Variants in GLMN observed in about 807,000 individuals in gnomAD.
GLMN encodes the protein glomulin.
A neutral mutation model predicts 87.8 loss-of-function variants in GLMN; 75 were observed. The observed-to-expected ratio is 0.85, with a 90% confidence interval of 0.71 to 1.04. The LOEUF (loss-of-function observed/expected upper bound fraction) is 1.04, where lower values mean the gene tolerates loss of function less well. GLMN is among the 50% of genes least tolerant of loss of function. The pLI is 0.00. For missense variants in GLMN, 588 were observed against 658.8 expected, an observed-to-expected ratio of 0.89 and a Z score of 1.18; for synonymous variants, 206 against 221.6, an observed-to-expected ratio of 0.93 and a Z score of 0.63.
chr1:92,279,728 T>G (rs1647761223), intron 7 of GLMN, among the ~76,000 whole-genome samples: 1 of 152,198 alleles, frequency 6.6e-6, no homozygotes, highest in African/African-American at 2.4e-5. Context: ...AGACTGTTTC[T>G]GGAGAAACAG....
intron 12 of GLMN, 48 bp from the exon 13 acceptor site, chr1:92,266,540 C>T (rs1439073347): frequency 1.6e-6 from 2 of 1,215,494 alleles, no homozygotes; most frequent in South Asian, 1.2e-5. Flanking sequence ...TAAAGCTTAC[C>T]CAGACTTCAT....
intron 16 of GLMN, among the ~76,000 whole-genome samples, chr1:92,261,664 T>C (rs1400732514): frequency 6.6e-6 from 1 of 152,202 alleles, no homozygotes; most frequent in African/African-American, 2.4e-5. Flanking sequence ...TCAGTGAATA[T>C]ACACTTAAAA....
At chr1:92,315,553 A>G in the GLMN span, among the ~76,000 whole-genome samples, 1 of 152,240 alleles carries the variant, frequency 6.6e-6, no homozygotes, top group African/African-American at 2.4e-5. Context: ...TAAACAAGGT[A>G]TGCTTGTGTA....
At chr1:92,296,733 T>C (rs1056219349) in intron 3 of GLMN, among the ~76,000 whole-genome samples, 3 of 152,302 alleles carry the variant, frequency 2.0e-5, no homozygotes, top group Non-Finnish European at 4.4e-5. Context: ...TCCTTTTCCA[T>C]TGTGGAGGAT....
At chr1:92,348,425 T>G in the GLMN span, among the ~76,000 whole-genome samples, 1 of 152,218 alleles carries the variant, frequency 6.6e-6, no homozygotes, top group Non-Finnish European at 1.5e-5. Context: ...CCTAGGTTTT[T>G]GCCTTTGAAA....
chr1:92,356,955 A>G, the GLMN span, among the ~76,000 whole-genome samples: 1 of 151,908 alleles, frequency 6.6e-6, no homozygotes, highest in Admixed American at 6.6e-5. Context: ...AATCTCAGCT[A>G]CTCAGGATGC....
the GLMN span, among the ~76,000 whole-genome samples, chr1:92,330,399 T>C: frequency 2.8e-4 from 43 of 151,944 alleles, no homozygotes; most frequent in African/African-American, 9.4e-4. Flanking sequence ...AGATCACTCA[T>C]TGAACTATCT....
upstream of GLMN, chr1:92,301,555 G>C: frequency 6.4e-7 from 1 of 1,566,000 alleles, no homozygotes; most frequent in East Asian, 2.4e-5. Flanking sequence ...ACAGCTTTTA[G>C]AGGAGAATAT....
At chr1:92,249,235 A>G (rs890139795) in intron 16 of GLMN, among the ~76,000 whole-genome samples, 1 of 151,172 alleles carries the variant, frequency 6.6e-6, no homozygotes, top group African/African-American at 2.4e-5. Context: ...GGAATACAGT[A>G]TATCAACAAC....
the GLMN span, among the ~76,000 whole-genome samples, chr1:92,355,187 A>G: frequency 6.6e-6 from 1 of 152,024 alleles, no homozygotes; most frequent in Non-Finnish European, 1.5e-5. Context: ...TTTTTTTAAT[A>G]TAATTATTCT....
chr1:92,309,386 G>A, the GLMN span, among the ~76,000 whole-genome samples: 1 of 151,032 alleles, frequency 6.6e-6, no homozygotes, highest in Non-Finnish European at 1.5e-5. Context: ...AGGTTGCAGT[G>A]AGCTGAGATC....
At chr1:92,272,549 G>A (rs976001205) in intron 7 of GLMN, among the ~76,000 whole-genome samples, 2 of 152,080 alleles carry the variant, frequency 1.3e-5, no homozygotes, top group African/African-American at 4.8e-5. Flanking sequence ...AATCTGAAAC[G>A]TGAGACATAC....
upstream of GLMN, chr1:92,301,589 G>A: frequency 7.7e-7 from 1 of 1,307,172 alleles, no homozygotes. Flanking sequence ...CTAATGGAGT[G>A]TGTATGTGTT....
rs568202406 is a variant in GLMN, at chr1:92,267,496, G to A, written c.1098+417C>T. The stretch of plus-strand genomic sequence containing the variant: ...AGGCAGGCTGATCACGAAGTCAGGA[G>A]ATCGAGACCATCCTGGCTAACACAG... On this transcript the variant is annotated intron_variant, in intron 11 of 18. Coordinates refer to ENST00000370360, the MANE Select transcript of GLMN (RefSeq NM_053274.3). Among the ~76,000 whole-genome samples the A allele has an allele frequency of 1.8e-3, 273 of 152,268 alleles. 1 individual carries two copies. The highest frequency in any genetic ancestry group is 5.9e-3 in the African/African-American group (244 of 41,558).
At chr1:92,356,805 GT>G in the GLMN span, among the ~76,000 whole-genome samples, 2 of 151,584 alleles carry the variant, frequency 1.3e-5, no homozygotes, top group African/African-American at 4.8e-5. Context: ...GCTCACACCT[GT>G]AATCCCAGCA....
chr1:92,263,071 CTT>C lies in GLMN; in HGVS notation c.1410-147_1410-146del, dbSNP rs1655224914. On this transcript the variant is annotated intron_variant, in intron 15 of 18. Transcript: ENST00000370360. ...TTAATATCTTTTTGAGTAGTAATAA[CTT>C]ATCACTGTTTTCCATTTGTTTAAAT... 1.8e-5 allele frequency: 9 copies of C among 511,492 alleles called. No homozygotes were observed. The South Asian group carries it at 1.9e-4, about 11-fold the overall frequency. The allele number at this position is 511,492 out of a possible 1,614,324, so 31.7% of individuals were successfully genotyped here.
the GLMN span, among the ~76,000 whole-genome samples, chr1:92,330,020 G>C: frequency 1.3e-5 from 2 of 152,178 alleles, no homozygotes; most frequent in African/African-American, 4.8e-5. Context: ...TAGACCTCAA[G>C]GAAAAAGGTA....
At chr1:92,257,548 T>C (rs1180414354) in intron 16 of GLMN, among the ~76,000 whole-genome samples, 2 of 151,990 alleles carry the variant, frequency 1.3e-5, no homozygotes, top group Non-Finnish European at 2.9e-5. Flanking sequence ...CCAAAACAGA[T>C]ACATAGATCA....
At chr1:92,251,632 T>TA (rs1162226731) in intron 16 of GLMN, among the ~76,000 whole-genome samples, 1 of 152,100 alleles carries the variant, frequency 6.6e-6, no homozygotes, top group Non-Finnish European at 1.5e-5. Flanking sequence ...AAAATACTAT[T>TA]AAAACACAAG....
Sources: allele counts gnomAD v4.1 joint callset (sites outside exome capture counted in the v4.1 genomes callset), GRCh38; gene constraint gnomAD v4.1.1; transcripts MANE v1.5; gene names NCBI Gene and HGNC (gene_info 2026-07-23, HGNC 2026-07-21).